BCL2L11: variants seen among roughly 807,000 people sequenced by gnomAD.
The protein encoded by BCL2L11 is BCL2 like 11, also known as bcl-2-like protein 11.
A neutral mutation model predicts 20.6 loss-of-function variants in BCL2L11; 15 were observed. The observed-to-expected ratio is 0.73, with a 90% CI of 0.49 to 1.12. The LOEUF is 1.12. Ranked by LOEUF, BCL2L11 falls within the 50% of genes most tolerant of loss-of-function variation. BCL2L11 has a pLI of 0.00. For missense variants in BCL2L11, 292 were observed against 260.9 expected (o/e 1.12, Z -0.82); for synonymous variants, 108 against 92.8 (o/e 1.16, Z -0.94).
intron 2 of BCL2L11, among the ~76,000 whole-genome samples, chr2:111,136,200 G>C (rs2074853522): frequency 6.6e-6 from 1 of 152,164 alleles, no homozygotes; most frequent in African/African-American, 2.4e-5. Context: ...GGCCTCCCAT[G>C]GAGCTGTTAT....
chr2:111,151,762 T>C, intron 3 of BCL2L11: 1 of 1,346,274 alleles, frequency 7.4e-7, no homozygotes. Context: ...AATGATTCTG[T>C]TGTAAAATGG....
chr2:111,123,308 G>T (rs920285556), intron 1 of BCL2L11: 2 of 985,398 alleles, frequency 2.0e-6, no homozygotes, highest in Non-Finnish European at 2.4e-6. Flanking sequence ...AGCAGGGAAC[G>T]CGGCCAGCCG....
intron 2 of BCL2L11, among the ~76,000 whole-genome samples, chr2:111,126,703 G>A (rs1241480313): frequency 6.6e-6 from 1 of 152,144 alleles, no homozygotes. Flanking sequence ...ACTTTGTTTA[G>A]TATTCTTTAC....
intron 3 of BCL2L11, chr2:111,153,738 GAGCCTTGCAA>G: frequency 6.4e-7 from 1 of 1,551,684 alleles, no homozygotes; most frequent in Non-Finnish European, 8.7e-7. Context: ...TTATTGCCAC[GAGCCTTGCAA>G]AGCCTGACAG....
chr2:111,156,358 A>G (rs1381844919), intron 3 of BCL2L11, among the ~76,000 whole-genome samples: 1 of 152,244 alleles, frequency 6.6e-6, no homozygotes, highest in African/African-American at 2.4e-5. Flanking sequence ...GTCAGTTTTC[A>G]TAACAAAAGC....
At chr2:111,141,755 A>G (rs1403850779) in intron 2 of BCL2L11, among the ~76,000 whole-genome samples, 13 of 150,638 alleles carry the variant, frequency 8.6e-5, no homozygotes, top group African/African-American at 1.5e-4. Flanking sequence ...CTGGAGTGCA[A>G]TGGTGCCATC....
chr2:111,141,770 C>T (rs1329697123), intron 2 of BCL2L11, among the ~76,000 whole-genome samples: 1 of 150,794 alleles, frequency 6.6e-6, no homozygotes, highest in African/African-American at 2.4e-5. Context: ...GCCATCTGAG[C>T]TCACTGCAAT....
chr2:111,134,020 A>G (rs987789373), intron 2 of BCL2L11, among the ~76,000 whole-genome samples: 2 of 151,860 alleles, frequency 1.3e-5, no homozygotes, highest in African/African-American at 2.4e-5. Flanking sequence ...TTAACATAGT[A>G]TTATCTTTTT....
chr2:111,130,812 C>T (rs1331203857), intron 2 of BCL2L11, among the ~76,000 whole-genome samples: 3 of 152,098 alleles, frequency 2.0e-5, no homozygotes, highest in Non-Finnish European at 2.9e-5. Flanking sequence ...GAGTTTTTGT[C>T]GTAAATGGAT....
chr2:111,154,607 G>A (rs1046670413), intron 3 of BCL2L11, among the ~76,000 whole-genome samples: 5 of 152,192 alleles, frequency 3.3e-5, no homozygotes, highest in African/African-American at 7.2e-5. Context: ...CAGAGGTGAT[G>A]TGTCAGTGTG....
chr2:111,122,630 G>C (rs908161016), intron 1 of BCL2L11: 1 of 984,252 alleles, frequency 1.0e-6, no homozygotes, highest in Non-Finnish European at 1.2e-6. Context: ...CAGAGCGCGA[G>C]GGGAGGAGCG....
chr2:111,128,541 G>T, intron 2 of BCL2L11: 1 of 1,416,870 alleles, frequency 7.1e-7, no homozygotes, highest in South Asian at 1.6e-5. Context: ...TAGAGGCTGT[G>T]CCATTTTACA....
chr2:111,122,611 C>T, intron 1 of BCL2L11: 5 of 984,572 alleles, frequency 5.1e-6, no homozygotes, highest in Non-Finnish European at 6.0e-6. Flanking sequence ...GTGCCGGCGG[C>T]GGCGGGCGCA....
Position 111,137,021 on chromosome 2 carries a change from G to A in BCL2L11, c.394+12882G>A, listed in dbSNP as rs150313720. Among the ~76,000 whole-genome samples the A allele has an allele frequency of 2.3e-3, 357 of 152,258 alleles. 6 individuals carry two copies. Among genetic ancestry groups the A allele is most frequent in the Admixed American group, 0.022 (329 of 15,302 alleles). The stretch of plus-strand genomic sequence containing the variant: ...GTGACTCTCATGGTGTGACCATAGG[G>A]CGTGCTCTGTGCTGCTTTCGAACAT... On this transcript the variant is annotated intron_variant, in intron 2 of 3. Transcript: ENST00000393256.
Position 111,164,171 on chromosome 2 carries a change from A to T in BCL2L11, c.537A>T (p.Pro179=). ...ATTACCAAGCAGCCGAAGACCACCC[A>T]CGAATGGTTATCTTACGACTGTTAC... ...LNNYQAAEDH[P]RMVILRLLRY... Residue 179 remains proline (P), a synonymous_variant, in exon 4 of 4, where the codon CCA becomes CCT. Coordinates refer to ENST00000393256, the MANE Select transcript of BCL2L11 (RefSeq NM_138621.5). The T allele has an allele frequency of 6.3e-7, 1 of 1,599,388 alleles. No individual in the cohort carries two copies. Among genetic ancestry groups the T allele is most frequent in the Middle Eastern group, 1.7e-4 (1 of 5,992 alleles).
intron 2 of BCL2L11, among the ~76,000 whole-genome samples, chr2:111,147,327 ATCTCTC>A (rs367737247): frequency 1.6e-5 from 2 of 125,836 alleles, no homozygotes; most frequent in African/African-American, 6.7e-5. Flanking sequence ...AGCCTCCTGT[ATCTCTC>A]TCTCTCTCTC....
intron 2 of BCL2L11, chr2:111,144,460 A>T: frequency 6.4e-7 from 1 of 1,550,402 alleles, no homozygotes; most frequent in Non-Finnish European, 8.7e-7. Flanking sequence ...GCAAACGCTG[A>T]TGGCAGTTGC....
intron 2 of BCL2L11, among the ~76,000 whole-genome samples, chr2:111,139,652 T>G (rs1286377557): frequency 6.6e-6 from 1 of 152,188 alleles, no homozygotes; most frequent in Non-Finnish European, 1.5e-5. Flanking sequence ...TGGTAACCTT[T>G]TTTCACACAC....
intron 2 of BCL2L11, among the ~76,000 whole-genome samples, chr2:111,134,743 C>T (rs1332248199): frequency 6.6e-6 from 1 of 152,146 alleles, no homozygotes; most frequent in Non-Finnish European, 1.5e-5. Flanking sequence ...CTGGGAATGT[C>T]TTTATTTCCC....
Sources: allele counts gnomAD v4.1 joint callset (sites outside exome capture counted in the v4.1 genomes callset), GRCh38; gene constraint gnomAD v4.1.1; transcripts MANE v1.5; gene names NCBI Gene and HGNC (gene_info 2026-07-23, HGNC 2026-07-21).